Variants in COPS3 observed in about 807,000 individuals in gnomAD.
COPS3 encodes COP9 signalosome subunit 3, also known as COP9 signalosome complex subunit 3.
Under a neutral mutation model 58.2 loss-of-function variants are expected in COPS3, and 10 were observed. That is an observed-to-expected ratio of 0.17 (90% CI 0.11 to 0.29). The LOEUF (loss-of-function observed/expected upper bound fraction) is 0.29. Ranked by LOEUF, COPS3 falls within the 10% of genes least tolerant of loss-of-function variation. COPS3 has a pLI of 1.00. For missense variants in COPS3, 333 were observed against 510.1 expected, an observed-to-expected ratio of 0.65 and a Z score of 3.34; for synonymous variants, 187 against 181.7, an observed-to-expected ratio of 1.03 and a Z score of -0.24.
intron 2 of COPS3, among the ~76,000 whole-genome samples, chr17:17,271,333 G>A (rs940878567): frequency 6.6e-6 from 1 of 152,094 alleles, no homozygotes; most frequent in African/African-American, 2.4e-5. Context: ...GGAGGCTGAG[G>A]CTGGAGGATC....
chr17:17,272,488 T>C (rs1457873847), intron 2 of COPS3, among the ~76,000 whole-genome samples: 4 of 152,186 alleles, frequency 2.6e-5, no homozygotes, highest in Admixed American at 1.3e-4. Context: ...GCCATCTCAA[T>C]TGTGGGGACT....
At position 17,247,027 on chromosome 17, in the gene COPS3, G is replaced by A. The variant is rs1461598580; in HGVS notation, c.*71C>T. 16 of 1,370,664 alleles carry A rather than the reference G, an allele frequency of 1.2e-5. No homozygotes were observed. The highest frequency in any genetic ancestry group is 1.5e-5 in the Non-Finnish European group (14 of 958,230). 84.9% of individuals were successfully genotyped at this position (1,370,664 alleles called of 1,614,324 possible). A position where few individuals can be genotyped will look rare whatever the true frequency, so the allele number is the denominator to read the frequency against. ...AGGTGACACAGGCTTGGTCCTCTCT[G>A]CTGCCCTCCGAACACTTGTCACTGG... On this transcript the variant is annotated 3_prime_UTR_variant, in exon 12 of 12. Transcript: ENST00000268717.
rs1348060058 is a variant in COPS3, at chr17:17,270,740, T to C, written c.348+18A>G. 1.9e-6 allele frequency: 3 copies of C among 1,571,784 alleles called. No homozygotes were observed. Among genetic ancestry groups the C allele is most frequent in the Non-Finnish European group, 2.6e-6 (3 of 1,154,732 alleles). ...CATATTATAACAAAACTAGGAATAC[T>C]TGAATAGTATTTCTTACCTGTTTTC... On this transcript the variant is annotated intron_variant, in intron 4 of 11. Coordinates refer to ENST00000268717, the MANE Select transcript of COPS3 (RefSeq NM_003653.4).
intron 1 of COPS3, among the ~76,000 whole-genome samples, chr17:17,278,767 TAATTAA>T (rs2048512602): frequency 6.6e-6 from 1 of 151,812 alleles, no homozygotes; most frequent in Non-Finnish European, 1.5e-5. Flanking sequence ...AATCACCAGA[TAATTAA>T]TTAGTGCAGG....
chr17:17,254,179 A>G (rs2047910557), intron 9 of COPS3, among the ~76,000 whole-genome samples: 2 of 150,790 alleles, frequency 1.3e-5, no homozygotes, highest in African/African-American at 4.9e-5. Context: ...TGACACATAC[A>G]TGCCTGTAGT....
intron 5 of COPS3, 109 bp downstream of exon 5, chr17:17,267,776 A>T (rs760637659): frequency 1.7e-5 from 19 of 1,091,056 alleles, no homozygotes; most frequent in Non-Finnish European, 2.5e-5. Context: ...CTTCTATAAC[A>T]CATCACAATA....
Position 17,260,412 on chromosome 17 carries a change from G to C in COPS3, c.825C>G (p.Leu275=). ...CACTGTGCTTATTCACCAGGTTTCG[G>C]AGTTCTGAGGGGTTGTTGGTTGAAT... ...QVYSTNNPSE[L]RNLVNKHSET... Residue 275 remains leucine (L), a synonymous_variant, in exon 8 of 12, where the codon CTC becomes CTG. Transcript: ENST00000268717. 1.2e-6 allele frequency: 2 copies of C among 1,614,180 alleles called. No homozygotes were observed. The highest frequency in any genetic ancestry group is 1.1e-5 in the South Asian group (1 of 91,084).
At chr17:17,270,343 T>C (rs1330000360) in intron 4 of COPS3, among the ~76,000 whole-genome samples, 2 of 151,066 alleles carry the variant, frequency 1.3e-5, no homozygotes, top group South Asian at 2.1e-4. Context: ...AAAGAATAAG[T>C]GCGGTAAAAT....
intron 2 of COPS3, among the ~76,000 whole-genome samples, chr17:17,271,865 TACAC>T (rs1289545029): frequency 7.9e-6 from 1 of 126,798 alleles, no homozygotes; most frequent in African/African-American, 3.1e-5. Flanking sequence ...TATACACACA[TACAC>T]ACACATATGT....
chr17:17,254,979 G>A (rs2047935206), intron 8 of COPS3, 34 bp from the exon 9 acceptor site: 1 of 1,438,200 alleles, frequency 7.0e-7, no homozygotes, highest in African/African-American at 1.4e-5. Context: ...TCACAGGTAG[G>A]AACAACGAAG....
chr17:17,268,185 A>C (rs2048269057), intron 4 of COPS3: 1 of 559,794 alleles, frequency 1.8e-6, no homozygotes, highest in Admixed American at 3.7e-5. Context: ...TAGATAACTC[A>C]GCACCATTTT....
chr17:17,256,170 C>CT (rs1491572548), intron 8 of COPS3, among the ~76,000 whole-genome samples: 1 of 151,410 alleles, frequency 6.6e-6, no homozygotes, highest in Non-Finnish European at 1.5e-5. Context: ...CTGAGCAAGA[C>CT]TCTGTCACAA....
At chr17:17,260,731 A>T in intron 7 of COPS3, 1 of 219,170 alleles carries the variant, frequency 4.6e-6, no homozygotes, top group Non-Finnish European at 9.1e-6. Flanking sequence ...TGAACCCAGG[A>T]GGTGGAGGTT....
intron 9 of COPS3, among the ~76,000 whole-genome samples, chr17:17,249,770 G>T (rs1233704590): frequency 2.0e-5 from 3 of 152,324 alleles, no homozygotes; most frequent in Middle Eastern, 3.4e-3. Context: ...GGGATTACAG[G>T]CGTAAGCCAC....
In COPS3 at chr17:17,247,013, G is replaced by T; in HGVS notation, c.*85C>A. The T allele has an allele frequency of 8.4e-7, 1 of 1,190,064 alleles. No homozygotes were observed. Among genetic ancestry groups the T allele is most frequent in the Non-Finnish European group, 1.3e-6 (1 of 793,246 alleles). 73.7% of individuals were successfully genotyped at this position (1,190,064 alleles called of 1,614,324 possible). ...ATTTCTTAGTCTCCAGGTGACACAGGCTTGGTCCTCTCTGCTGCCCTCCGA... is the reference window on the plus strand; with the variant it reads ...ATTTCTTAGTCTCCAGGTGACACAGTCTTGGTCCTCTCTGCTGCCCTCCGA... On this transcript the variant is annotated 3_prime_UTR_variant, in exon 12 of 12. Coordinates refer to ENST00000268717, the MANE Select transcript of COPS3 (RefSeq NM_003653.4).
At chr17:17,248,342 C>A (rs142147730) in intron 10 of COPS3, among the ~76,000 whole-genome samples, 3 of 152,282 alleles carry the variant, frequency 2.0e-5, no homozygotes, top group African/African-American at 7.2e-5. Context: ...GAGACAGAGT[C>A]TCCCTCTGTT....
At chr17:17,268,602 T>C (rs749600276) in intron 4 of COPS3, among the ~76,000 whole-genome samples, 1 of 152,036 alleles carries the variant, frequency 6.6e-6, no homozygotes, top group Non-Finnish European at 1.5e-5. Context: ...GGGTGGATCA[T>C]GAGGTCAGGA....
intron 4 of COPS3, 103 bp downstream of exon 4, chr17:17,270,655 T>C (rs1181209738): frequency 2.0e-6 from 2 of 992,694 alleles, no homozygotes; most frequent in East Asian, 5.3e-5. Context: ...GATATCTAGG[T>C]GGTGGATGCT....
intron 4 of COPS3, among the ~76,000 whole-genome samples, chr17:17,269,078 C>T (rs9907107): frequency 0.5 from 76,622 of 151,766 alleles, 19,779 homozygotes; most frequent in East Asian, 0.63. Context: ...TAATCTCAGC[C>T]CTTTGGGAGG....
Sources: allele counts gnomAD v4.1 joint callset (sites outside exome capture counted in the v4.1 genomes callset), GRCh38; gene constraint gnomAD v4.1.1; transcripts MANE v1.5; gene names NCBI Gene and HGNC (gene_info 2026-07-23, HGNC 2026-07-21).